The following DPH6 variants were observed in gnomAD, a reference collection of about 807,000 sequenced individuals.
DPH6 encodes diphthine--ammonia ligase.
A neutral mutation model predicts 38.2 loss-of-function variants in DPH6; 33 were observed. The ratio of observed to expected loss-of-function variants is 0.86; its 90% CI spans 0.65 to 1.15. The LOEUF is 1.15. Among genes scored for constraint, DPH6 ranks in the 50% most tolerant of loss-of-function variants. The probability of loss-of-function intolerance (pLI) is 0.00; values close to 1 mark genes in which losing one functional copy is unlikely to be tolerated. For missense variants in DPH6, 325 were observed against 320.0 expected (o/e 1.02, Z -0.12); for synonymous variants, 108 against 103.0 (o/e 1.05, Z -0.30).
chr15:35,309,103 C>T (rs2052118141), intron 3 of DPH6, among the ~76,000 whole-genome samples: 1 of 152,220 alleles, frequency 6.6e-6, no homozygotes, highest in Admixed American at 6.5e-5. Flanking sequence ...CAACTGAAGT[C>T]TGATTGCAGT....
chr15:35,244,717 A>G (rs2051624132), intron 3 of DPH6, among the ~76,000 whole-genome samples: 1 of 152,220 alleles, frequency 6.6e-6, no homozygotes, highest in South Asian at 2.1e-4. Flanking sequence ...TTGGATTGTG[A>G]AAGAAGAAAA....
intron 3 of DPH6, among the ~76,000 whole-genome samples, chr15:35,462,405 T>C (rs1191697552): frequency 2.6e-5 from 4 of 151,298 alleles, no homozygotes; most frequent in African/African-American, 9.8e-5. Context: ...TATTTATGCC[T>C]GGACTCTGCC....
At chr15:35,210,578 T>C in the DPH6 span, among the ~76,000 whole-genome samples, 21 of 152,304 alleles carry the variant, frequency 1.4e-4, no homozygotes, top group Admixed American at 7.8e-4. Context: ...TTTTAAATAG[T>C]GTATAAACAG....
At chr15:35,434,287 T>C (rs567935622) in intron 5 of DPH6, among the ~76,000 whole-genome samples, 11 of 152,272 alleles carry the variant, frequency 7.2e-5, no homozygotes, top group South Asian at 6.2e-4. Flanking sequence ...ATTACAACTT[T>C]GATGTTGATA....
chr15:35,299,472 C>T (rs764002144), intron 3 of DPH6: 19 of 762,858 alleles, frequency 2.5e-5, no homozygotes, highest in Middle Eastern at 3.7e-4. Flanking sequence ...GCCCGCCCGC[C>T]GACTCTGCCC....
At chr15:35,503,919 C>T (rs1455456634) in intron 3 of DPH6, among the ~76,000 whole-genome samples, 3 of 152,034 alleles carry the variant, frequency 2.0e-5, no homozygotes, top group Non-Finnish European at 4.4e-5. Context: ...TTTTCCGCTA[C>T]GAAATACTTA....
chr15:35,324,244 A>C (rs781754314), intron 3 of DPH6, among the ~76,000 whole-genome samples: 51 of 152,240 alleles, frequency 3.3e-4, no homozygotes, highest in Non-Finnish European at 7.3e-5. Context: ...ATAGAGCAAT[A>C]GAGAGTGTCT....
chr15:35,366,532 C>A (rs978556787), downstream of DPH6, among the ~76,000 whole-genome samples: 1 of 151,814 alleles, frequency 6.6e-6, no homozygotes, highest in Non-Finnish European at 1.5e-5. Flanking sequence ...TGTTAAGAAG[C>A]CACAGATTAC....
intron 3 of DPH6, among the ~76,000 whole-genome samples, chr15:35,457,279 T>C (rs991729445): frequency 3.3e-5 from 5 of 152,034 alleles, no homozygotes; most frequent in Admixed American, 2.6e-4. Context: ...TTTTGTTTGA[T>C]AACACTTAAC....
At chr15:35,343,185 TAAC>T (rs1315287732) in intron 3 of DPH6, among the ~76,000 whole-genome samples, 1 of 152,176 alleles carries the variant, frequency 6.6e-6, no homozygotes, top group African/African-American at 2.4e-5. Flanking sequence ...TAAGATATCT[TAAC>T]AAATAATACA....
At chr15:35,167,950 T>C in the DPH6 span, among the ~76,000 whole-genome samples, 1 of 152,052 alleles carries the variant, frequency 6.6e-6, no homozygotes, top group African/African-American at 2.4e-5. Flanking sequence ...CATGCCTGAA[T>C]GAGTGGATTT....
chr15:35,198,708 G>A, the DPH6 span, among the ~76,000 whole-genome samples: 1 of 152,152 alleles, frequency 6.6e-6, no homozygotes, highest in Admixed American at 6.5e-5. Context: ...GAAAGTAATA[G>A]TGTAACAGGC....
intron 3 of DPH6, among the ~76,000 whole-genome samples, chr15:35,355,435 T>G (rs1793006457): frequency 6.6e-6 from 1 of 152,216 alleles, no homozygotes; most frequent in Non-Finnish European, 1.5e-5. Context: ...GCTTGTTCCT[T>G]TCCATGTTTA....
At position 35,474,628 on chromosome 15, in the gene DPH6, A is replaced by G. The variant is rs1021006317; in HGVS notation, c.313-19808T>C. 2.6e-5 allele frequency among the ~76,000 whole-genome samples: 4 copies of G among 152,200 alleles called. No homozygotes were observed. The East Asian group carries it at 5.8e-4, about 22-fold the overall frequency. On this transcript the variant is annotated intron_variant, in intron 3 of 8. Transcript: ENST00000256538. The stretch of plus-strand genomic sequence containing the variant: ...TGAGAAAAAGAAATTGCTGACCAAC[A>G]GCATGTCTTTCAAAGTATATTTAAA...
intron 3 of DPH6, among the ~76,000 whole-genome samples, chr15:35,252,300 T>C (rs2051680292): frequency 6.6e-6 from 1 of 151,974 alleles, no homozygotes; most frequent in Non-Finnish European, 1.5e-5. Flanking sequence ...CCCCTAAATT[T>C]CCATGAAAGA....
intron 3 of DPH6, among the ~76,000 whole-genome samples, chr15:35,342,422 C>T (rs2052428959): frequency 6.6e-6 from 1 of 152,206 alleles, no homozygotes; most frequent in South Asian, 2.1e-4. Flanking sequence ...GTGGCAGTTC[C>T]TTTGGCTCCA....
In DPH6 at chr15:35,483,610, A is replaced by G. The variant is rs116686005; in HGVS notation, c.313-28790T>C. On this transcript the variant is annotated intron_variant, in intron 3 of 8. Transcript: ENST00000256538. ...TTTATCCATTGCAGGTGGAAATTTAATATGGTACAGTCATGTTTGAAAACA... is the reference window on the plus strand; with the variant it reads ...TTTATCCATTGCAGGTGGAAATTTAGTATGGTACAGTCATGTTTGAAAACA... Among the ~76,000 whole-genome samples, 838 of 152,318 alleles carry G rather than the reference A, an allele frequency of 5.5e-3. 8 individuals are homozygous for G. Among genetic ancestry groups the G allele is most frequent in the African/African-American group, 0.02 (812 of 41,580 alleles).
intron 3 of DPH6, among the ~76,000 whole-genome samples, chr15:35,512,239 A>G (rs1432360440): frequency 1.3e-5 from 2 of 152,342 alleles, no homozygotes; most frequent in East Asian, 3.9e-4. Flanking sequence ...ATTTACTCAC[A>G]GAAAATCAGA....
intron 7 of DPH6, among the ~76,000 whole-genome samples, chr15:35,379,521 T>A (rs1028152246): frequency 6.6e-6 from 1 of 152,244 alleles, no homozygotes; most frequent in Non-Finnish European, 1.5e-5. Context: ...TTAATTGTAT[T>A]ATATGGAAGA....
Sources: allele counts gnomAD v4.1 joint callset (sites outside exome capture counted in the v4.1 genomes callset), GRCh38; gene constraint gnomAD v4.1.1; transcripts MANE v1.5; gene names NCBI Gene and HGNC (gene_info 2026-07-23, HGNC 2026-07-21).